The following CAPRIN2 variants were observed in gnomAD, a reference collection of about 807,000 sequenced individuals.
CAPRIN2 encodes the protein caprin family member 2.
In CAPRIN2, 66 loss-of-function variants were observed where a neutral mutation model predicts 130.4. The observed-to-expected ratio is 0.51, with a 90% CI of 0.42 to 0.62. The LOEUF (loss-of-function observed/expected upper bound fraction) is 0.62. Among genes scored for constraint, CAPRIN2 ranks in the 20% least tolerant of loss-of-function variants. The pLI, the probability that CAPRIN2 is intolerant of heterozygous loss-of-function variation, is 0.00. For missense variants in CAPRIN2, 1,185 were observed against 1,246.6 expected (o/e 0.95, Z 0.74); for synonymous variants, 471 against 444.1 (o/e 1.06, Z -0.76).
intron 2 of CAPRIN2, among the ~76,000 whole-genome samples, chr12:30,741,764 G>A (rs1285873354): frequency 1.3e-5 from 2 of 151,964 alleles, no homozygotes; most frequent in East Asian, 1.9e-4. Flanking sequence ...ATATTATAAA[G>A]CCTCAGTAAT....
intron 2 of CAPRIN2, among the ~76,000 whole-genome samples, chr12:30,746,123 G>A (rs528544581): frequency 1.3e-4 from 15 of 118,612 alleles, no homozygotes; most frequent in East Asian, 1.1e-3. Context: ...ACACTGCCAC[G>A]ATATTAAAAA....
chr12:30,734,854 A>ACACT (rs2138397265), intron 4 of CAPRIN2, 114 bp downstream of exon 5: 1 of 452,042 alleles, frequency 2.2e-6, no homozygotes, highest in Admixed American at 3.0e-5. Flanking sequence ...TCTCTAACAC[A>ACACT]CACACACACA....
At position 30,753,806 on chromosome 12, in the gene CAPRIN2, C is replaced by A. The variant is rs371693879; in HGVS notation, c.-43G>T. The A allele has an allele frequency of 5.3e-5, 81 of 1,531,912 alleles. No individual in the cohort carries two copies. In the African/African-American group the frequency reaches 6.5e-4, roughly 12 times the overall value. The allele number at this position is 1,531,912 out of a possible 1,614,324, so 94.9% of individuals were successfully genotyped here. On this transcript the variant is annotated 5_prime_UTR_variant, in exon 1 of 17. Transcript: ENST00000298892. ...TAGTGCCGCTAGCCAATAAGGATAG[C>A]CTTTACATAGGCAAAATCTCCCAAT...
At chr12:30,719,448 C>T in intron 12 of CAPRIN2, 1 of 520,070 alleles carries the variant, frequency 1.9e-6, no homozygotes. Context: ...AGAGTCTTAC[C>T]AATAATCAGT....
At chr12:30,732,057 T>C (rs1222505089) in intron 5 of CAPRIN2, among the ~76,000 whole-genome samples, 1 of 151,922 alleles carries the variant, frequency 6.6e-6, no homozygotes. Flanking sequence ...ATTACTAATA[T>C]TATTAATCTA....
chr12:30,738,802 A>C lies in CAPRIN2; in HGVS notation c.570+2218T>G, dbSNP rs548900735. 2.0e-5 allele frequency among the ~76,000 whole-genome samples: 3 copies of C among 152,376 alleles called. No homozygotes were observed. In the East Asian group the frequency reaches 5.8e-4, roughly 29 times the overall value. On this transcript the variant is annotated intron_variant, in intron 3 of 16. Coordinates refer to ENST00000298892, the Ensembl canonical transcript of CAPRIN2. ...ATGTGGCCAAAAAGCATATGATAAA[A>C]AGCTCAACATCACTGATCATTAGAA...
intron 11 of CAPRIN2, among the ~76,000 whole-genome samples, chr12:30,722,979 A>G (rs1175639127): frequency 2.0e-5 from 3 of 152,214 alleles, no homozygotes; most frequent in Non-Finnish European, 4.4e-5. Context: ...TTACTTAAGT[A>G]GCTCAAGAGA....
chr12:30,714,142 G>A (rs2056531317), intron 14 of CAPRIN2, among the ~76,000 whole-genome samples: 1 of 152,100 alleles, frequency 6.6e-6, no homozygotes, highest in South Asian at 2.1e-4. Flanking sequence ...GTGGTGGTAG[G>A]GCAGTTAGGT....
chr12:30,746,318 A>T (rs2070329391), intron 2 of CAPRIN2, among the ~76,000 whole-genome samples: 1 of 152,202 alleles, frequency 6.6e-6, no homozygotes, highest in South Asian at 2.1e-4. Context: ...CTTGAGCCCA[A>T]GAGTTCAAGG....
chr12:30,753,365 A>G (rs1426617863), exon 1 of CAPRIN2: 4 of 1,606,240 alleles, frequency 2.5e-6, no homozygotes, highest in South Asian at 2.2e-5. Flanking sequence ...CGATGTTTCT[A>G]ATTTTGTGTT....
At chr12:30,730,913 T>G (rs965864813) in intron 6 of CAPRIN2, among the ~76,000 whole-genome samples, 8 of 152,182 alleles carry the variant, frequency 5.3e-5, no homozygotes, top group African/African-American at 1.9e-4. Flanking sequence ...ATTTTAAAAG[T>G]ATATTTTCTT....
intron 13 of CAPRIN2, 57 bp downstream of exon 15, chr12:30,716,451 G>A: frequency 6.8e-7 from 1 of 1,477,414 alleles, no homozygotes; most frequent in South Asian, 1.2e-5. Flanking sequence ...TAGACTTGCT[G>A]TCCATTCAAT....
At chr12:30,715,168 C>T (rs1565550863) in intron 13 of CAPRIN2, 27 bp from the exon 16 acceptor site, 2 of 1,597,684 alleles carry the variant, frequency 1.3e-6, no homozygotes, top group Non-Finnish European at 8.6e-7. Flanking sequence ...ATTTTAGGGT[C>T]CAAGAGTTAA....
At chr12:30,723,953 T>G (rs900312980) in intron 10 of CAPRIN2, among the ~76,000 whole-genome samples, 1 of 152,204 alleles carries the variant, frequency 6.6e-6, no homozygotes, top group Admixed American at 6.5e-5. Context: ...CAGACCAGAT[T>G]TGAATGCAGG....
At chr12:30,749,600 G>C (rs770766011) in intron 2 of CAPRIN2, among the ~76,000 whole-genome samples, 3 of 152,194 alleles carry the variant, frequency 2.0e-5, no homozygotes, top group Non-Finnish European at 2.9e-5. Flanking sequence ...GAGGAGAAAG[G>C]AGATAAATTC....
chr12:30,726,594 T>A (rs1446519954), intron 8 of CAPRIN2, among the ~76,000 whole-genome samples: 1 of 152,164 alleles, frequency 6.6e-6, no homozygotes, highest in African/African-American at 2.4e-5. Context: ...AGTACACTCT[T>A]GGGGGCTACT....
chr12:30,716,631 T>C, exon 13 of CAPRIN2: 1 of 1,614,030 alleles, frequency 6.2e-7, no homozygotes, highest in Non-Finnish European at 8.5e-7. Flanking sequence ...GATTCTTTTA[T>C]TTCTTGTTCT....
intron 12 of CAPRIN2, among the ~76,000 whole-genome samples, chr12:30,717,162 T>C (rs1190674806): frequency 6.6e-6 from 1 of 152,148 alleles, no homozygotes; most frequent in African/African-American, 2.4e-5. Context: ...TTATTCAGAA[T>C]AGCCAAAAGG....
intron 1 of CAPRIN2, among the ~76,000 whole-genome samples, chr12:30,752,755 G>A (rs141502775): frequency 5.5e-5 from 7 of 126,608 alleles, no homozygotes; most frequent in African/African-American, 1.5e-4. Context: ...GCAAAGCAAC[G>A]TGCAGTCTGT....
Sources: gnomAD v4.1 joint callset for allele counts (sites outside exome capture counted in the v4.1 genomes callset) on GRCh38, gnomAD v4.1.1 for gene constraint, MANE v1.5 for transcripts, NCBI Gene and HGNC (gene_info 2026-07-23, HGNC 2026-07-21) for gene names.